The following LRRC14 variants were observed in gnomAD, a reference collection of about 807,000 sequenced individuals.
The protein encoded by LRRC14 is leucine rich repeat containing 14, also known as leucine-rich repeat-containing protein 14.
In LRRC14, 16 loss-of-function variants were observed where a neutral mutation model predicts 25.3. That is an observed-to-expected ratio of 0.63 (90% CI 0.43 to 0.96). The LOEUF is 0.96. LRRC14 is among the 40% of genes least tolerant of loss of function. LRRC14 has a pLI of 0.00. For synonymous variants in LRRC14, 359 were observed against 295.1 expected (o/e 1.22, Z -2.22); for missense variants, 594 against 660.5 (o/e 0.90, Z 1.10).
rs1586845141 is a variant in LRRC14, at chr8:144,519,821, CCTG to C, written c.100_102del (p.Leu34del). ...CCTTGCTGCCACGCGAACTCTTCCC[CCTG>C]CTGTTCAAGGTGGCCTTCATGGACA... On this transcript the variant is annotated inframe_deletion, in exon 2 of 4. Coordinates refer to ENST00000292524, the MANE Select transcript of LRRC14 (RefSeq NM_014665.4). 1 of 1,613,490 alleles carries C rather than the reference CCTG, an allele frequency of 6.2e-7. No homozygotes were observed.
rs201319682 is a variant in LRRC14, at chr8:144,521,361, G to A, written c.1365G>A (p.Glu455=). ...SVLLEASINE[E]KFARVEAELH... is the part of the protein sequence containing the mutation. ...TGCTGGAGGCCTCCATCAATGAGGAGAAGTTTGCCCGCGTAGAAGCTGAGT... is the reference window on the plus strand; with the variant it reads ...TGCTGGAGGCCTCCATCAATGAGGAAAAGTTTGCCCGCGTAGAAGCTGAGT... The change falls in exon 4 of 4, where the codon GAG becomes GAA. Residue 455 remains glutamate, a synonymous_variant. Coordinates refer to ENST00000292524, the MANE Select transcript of LRRC14 (RefSeq NM_014665.4). 1,193 of 1,612,878 alleles carry A rather than the reference G, an allele frequency of 7.4e-4. 20 individuals are homozygous for A. In the South Asian group the frequency reaches 0.012, roughly 16 times the overall value.
At chr8:144,519,423 A>C in intron 1 of LRRC14, 192 bp from the exon 2 acceptor site, 1 of 502,096 alleles carries the variant, frequency 2.0e-6, no homozygotes, top group South Asian at 2.4e-5. Context: ...TCAAAAGCAT[A>C]CCCAAGCAAG....
In LRRC14 at chr8:144,522,293, G is replaced by C. The variant is rs1039520487; in HGVS notation, c.*815G>C. 1.2e-6 allele frequency: 1 copy of C among 833,352 alleles called. No individual in the cohort carries two copies. Among genetic ancestry groups the C allele is most frequent in the African/African-American group, 1.8e-5 (1 of 55,448 alleles). 51.6% of individuals were successfully genotyped at this position (833,352 alleles called of 1,614,324 possible). ...GTCTTTTCGGAAGAGCTTCAAGGGA[G>C]GTGTTGGGGCCTCCCCGGCCACCTT... On this transcript the variant is annotated 3_prime_UTR_variant, in exon 4 of 4. Coordinates refer to ENST00000292524, the MANE Select transcript of LRRC14 (RefSeq NM_014665.4).
intron 1 of LRRC14, among the ~76,000 whole-genome samples, chr8:144,519,090 C>G (rs1034567342): frequency 3.3e-5 from 5 of 152,292 alleles, no homozygotes; most frequent in East Asian, 3.9e-4. Flanking sequence ...ATTTTATAGG[C>G]TACATCATCT....
rs77067463 is a variant in LRRC14, at chr8:144,519,331, C to T, written c.-111-284C>T. The T allele has an allele frequency of 7.8e-4, 227 of 292,182 alleles. 1 individual carries two copies. In the East Asian group the frequency reaches 8.9e-3, roughly 11 times the overall value. The allele number at this position is 292,182 out of a possible 1,614,324, so 18.1% of individuals were successfully genotyped here. ...AGAGTCCTGGGCTTTATTCAGGTTT[C>T]GAAGAAGGTTTTGTGAAGCAGCTTT... On this transcript the variant is annotated intron_variant, in intron 1 of 3. Coordinates refer to ENST00000292524, the MANE Select transcript of LRRC14 (RefSeq NM_014665.4).
rs200123953 is a variant in LRRC14 at position 144,524,544 on chromosome 8, C to G, written c.*3066C>G. 209 of 1,582,262 alleles carry G rather than the reference C, an allele frequency of 1.3e-4. No homozygotes were observed. The African/African-American group carries it at 2.4e-3, about 18-fold the overall frequency. Reference sequence around the variant, plus strand: ...GCCTACGAAGGCGCCGCTGCGCAAGCCGCGCAGCCGGTTGCTAGTGAGCGC... The same window carrying G: ...GCCTACGAAGGCGCCGCTGCGCAAGGCGCGCAGCCGGTTGCTAGTGAGCGC... On this transcript the variant is annotated 3_prime_UTR_variant, in exon 4 of 4. Coordinates refer to ENST00000292524, the MANE Select transcript of LRRC14 (RefSeq NM_014665.4).
Position 144,520,734 on chromosome 8 carries a change from T to C in LRRC14, c.826T>C (p.Phe276Leu). The C allele has an allele frequency of 6.3e-7, 1 of 1,599,026 alleles. No individual in the cohort carries two copies. Among genetic ancestry groups the C allele is most frequent in the Non-Finnish European group, 8.5e-7 (1 of 1,179,950 alleles). Residue 276 changes from phenylalanine (F) to leucine (L), a missense_variant, in exon 3 of 4, where the codon TTC (phenylalanine) becomes CTC (leucine). Transcript: ENST00000292524. ...GGATGGCGAGGACAACTTCCGCTAC[T>C]TCCTTGCCCAGATGGGCCGCTTCAC... ...SVDGEDNFRY[F>L]LAQMGRFTCL... is the part of the protein sequence containing the mutation.
rs761225710 is a variant in LRRC14 at position 144,522,612 on chromosome 8, C to T, written c.*1134C>T. On this transcript the variant is annotated 3_prime_UTR_variant, in exon 4 of 4. Transcript: ENST00000292524. ...TTGGAGCGGTTGATGACGAACATCT[C>T]GTGGCCGCGCTCGTCGCGGAGCTCC... 2.5e-6 allele frequency: 4 copies of T among 1,570,448 alleles called. No homozygotes were observed. The highest frequency in any genetic ancestry group is 2.6e-6 in the Non-Finnish European group (3 of 1,160,858).
chr8:144,518,726 C>T (rs940184803), intron 1 of LRRC14: 1 of 152,270 alleles, frequency 6.6e-6, no homozygotes, highest in Non-Finnish European at 1.5e-5. Flanking sequence ...AGGCCGAGGC[C>T]TTCATTTTCT....
Position 144,520,898 on chromosome 8 carries a change from G to C in LRRC14, c.915-13G>C, listed in dbSNP as rs746515849. 1.2e-5 allele frequency: 20 copies of C among 1,602,776 alleles called. No homozygotes were observed. The highest frequency in any genetic ancestry group is 1.7e-5 in the Non-Finnish European group (20 of 1,176,540). On this transcript the variant is annotated splice_polypyrimidine_tract_variant and intron_variant, in intron 3 of 3. Coordinates refer to ENST00000292524, the MANE Select transcript of LRRC14 (RefSeq NM_014665.4). ...CTGGCTCTGCCTGTCTGTGACCCCT[G>C]TGTCCCCTGTAGCACCCTGCAGAGC...
chr8:144,518,220 G>A (rs1467541907), intron 1 of LRRC14, among the ~76,000 whole-genome samples, 179 bp downstream of exon 1: 2 of 152,202 alleles, frequency 1.3e-5, no homozygotes, highest in Non-Finnish European at 2.9e-5. Flanking sequence ...GGGCCGGGAA[G>A]GACTGGGAGT....
In LRRC14 at chr8:144,522,383, C is replaced by T. The variant is rs933950664; in HGVS notation, c.*905C>T. The T allele has an allele frequency of 5.1e-6, 7 of 1,361,472 alleles. No homozygotes were observed. The highest frequency in any genetic ancestry group is 3.9e-5 in the Admixed American group (1 of 25,684). 84.3% of individuals were successfully genotyped at this position (1,361,472 alleles called of 1,614,324 possible). On this transcript the variant is annotated 3_prime_UTR_variant, in exon 4 of 4. Transcript: ENST00000292524. ...CTCGCGCCCCACACACGGCTCAGCGCACACTGCGCGGCTTCCACCTTTACT... is the reference window on the plus strand; with the variant it reads ...CTCGCGCCCCACACACGGCTCAGCGTACACTGCGCGGCTTCCACCTTTACT...
In LRRC14 at chr8:144,524,651, C is replaced by T. The variant is rs1286227515; in HGVS notation, c.*3173C>T. The T allele has an allele frequency of 6.7e-6, 10 of 1,503,392 alleles. No homozygotes were observed. Among genetic ancestry groups the T allele is most frequent in the Non-Finnish European group, 7.0e-6 (8 of 1,135,892 alleles). The allele number at this position is 1,503,392 out of a possible 1,614,324, so 93.1% of individuals were successfully genotyped here. A position where few individuals can be genotyped will look rare whatever the true frequency, so the allele number is the denominator to read the frequency against. ...TGTTGTTGTGCAGGTAGAGCCGGCG[C>T]AGAGCGGCGAGTGGCGCCAGGGCTC... On this transcript the variant is annotated 3_prime_UTR_variant, in exon 4 of 4. Transcript: ENST00000292524.
chr8:144,519,453 C>T (rs776087584), intron 1 of LRRC14, 162 bp from the exon 2 acceptor site: 47 of 555,898 alleles, frequency 8.5e-5, no homozygotes, highest in Non-Finnish European at 1.3e-4. Context: ...GACGATGCCA[C>T]ACTGCTTGAC....
At position 144,524,476 on chromosome 8, in the gene LRRC14, C is replaced by T; in HGVS notation, c.*2998C>T. ...AAGAAGGTGAAATCCAGCAGCCGCG[C>T]CAGCTGGTTGCCCGCCAGGTAGAGC... On this transcript the variant is annotated 3_prime_UTR_variant, in exon 4 of 4. Transcript: ENST00000292524. 6.3e-7 allele frequency: 1 copy of T among 1,597,846 alleles called. No homozygotes were observed. Among genetic ancestry groups the T allele is most frequent in the East Asian group, 2.2e-5 (1 of 44,864 alleles).
In LRRC14 at chr8:144,520,013, C is replaced by T; in HGVS notation, c.288C>T (p.Leu96=). Residue 96 remains leucine (L), a synonymous_variant, in exon 2 of 4, where the codon CTC becomes CTT. Transcript: ENST00000292524. ...TTATCCTGGGGCTGACTGCCCGGCT[C>T]CACACCTCAGAGCCTGGGGCCAGCA... is the stretch of plus-strand genomic sequence containing the variant. ...QAVILGLTAR[L]HTSEPGASTQ... is the part of the protein sequence containing the mutation. 6.2e-7 allele frequency: 1 copy of T among 1,610,572 alleles called. No individual in the cohort carries two copies. Among genetic ancestry groups the T allele is most frequent in the East Asian group, 2.2e-5 (1 of 44,882 alleles).
At position 144,522,564 on chromosome 8, in the gene LRRC14, C is replaced by G; in HGVS notation, c.*1086C>G. ...GGGCCGCAGTCAGCGGGCGCCTCCG[C>G]CGGACCCTCGGCGAAGAGCGGCTTG... On this transcript the variant is annotated 3_prime_UTR_variant, in exon 4 of 4. Transcript: ENST00000292524. 1 of 1,549,026 alleles carries G rather than the reference C, an allele frequency of 6.5e-7. No homozygotes were observed. Among genetic ancestry groups the G allele is most frequent in the Non-Finnish European group, 8.7e-7 (1 of 1,149,806 alleles).
chr8:144,523,604 C>G lies in LRRC14; in HGVS notation c.*2126C>G, dbSNP rs1816222740. 1.1e-5 allele frequency: 9 copies of G among 785,264 alleles called. No individual in the cohort carries two copies. The South Asian group carries it at 2.8e-4, about 24-fold the overall frequency. 48.6% of individuals were successfully genotyped at this position (785,264 alleles called of 1,614,324 possible). ...CAGGCCCTTCACCCTCGCCCCCCTCCCCTTTAGCTCTGTGATGCCTGCCTG... is the reference window on the plus strand; with the variant it reads ...CAGGCCCTTCACCCTCGCCCCCCTCGCCTTTAGCTCTGTGATGCCTGCCTG... On this transcript the variant is annotated 3_prime_UTR_variant, in exon 4 of 4. Transcript: ENST00000292524.
At position 144,521,828 on chromosome 8, in the gene LRRC14, C is replaced by G. The variant is rs746131577; in HGVS notation, c.*350C>G. On this transcript the variant is annotated 3_prime_UTR_variant, in exon 4 of 4. Transcript: ENST00000292524. ...TGAGCTGAGAGAGATGATGGCCTCT[C>G]TGGGCCTTTCCTCTCCCTTTACTGA... 2 of 276,382 alleles carry G rather than the reference C, an allele frequency of 7.2e-6. No homozygotes were observed. The highest frequency in any genetic ancestry group is 9.8e-5 in the Admixed American group (2 of 20,512). 17.1% of individuals were successfully genotyped at this position (276,382 alleles called of 1,614,324 possible). A position where few individuals can be genotyped will look rare whatever the true frequency, so the allele number is the denominator to read the frequency against.
Sources: gnomAD v4.1 joint callset for allele counts (sites outside exome capture counted in the v4.1 genomes callset) on GRCh38, gnomAD v4.1.1 for gene constraint, MANE v1.5 for transcripts, NCBI Gene and HGNC (gene_info 2026-07-23, HGNC 2026-07-21) for gene names.